RANBP17: variants seen among roughly 807,000 people sequenced by gnomAD.
The protein encoded by RANBP17 is ran-binding protein 17.
RANBP17 carries 158 observed loss-of-function variants against 141.2 expected under a neutral mutation model. That is an observed-to-expected ratio of 1.12 (90% CI 0.98 to 1.28). RANBP17 has a LOEUF of 1.28. RANBP17 is among the 50% of genes most tolerant of loss of function. RANBP17 has a pLI of 0.00. For synonymous variants in RANBP17, 430 were observed against 450.0 expected (o/e 0.96, Z 0.56); for missense variants, 1,438 against 1,290.7 (o/e 1.11, Z -1.75).
chr5:170,890,666 C>T (rs1437471141), intron 3 of RANBP17, among the ~76,000 whole-genome samples: 1 of 152,058 alleles, frequency 6.6e-6, no homozygotes, highest in Non-Finnish European at 1.5e-5. Flanking sequence ...GGAGTTTTTT[C>T]TCTTTTAAAA....
At position 170,978,698 on chromosome 5, in the gene RANBP17, T is replaced by C. The variant is rs1421289901; in HGVS notation, c.1710+10321T>C. The stretch of plus-strand genomic sequence containing the variant: ...ATGGAAGTCAGAATGGTGGTTACCT[T>C]TGGGTAGGGAGAATATTTTGACTGG... On this transcript the variant is annotated intron_variant, in intron 14 of 27. Coordinates refer to ENST00000523189, the MANE Select transcript of RANBP17 (RefSeq NM_022897.5). 3.3e-5 allele frequency among the ~76,000 whole-genome samples: 5 copies of C among 152,250 alleles called. No homozygotes were observed. In the East Asian group the frequency reaches 5.8e-4, roughly 18 times the overall value.
Position 171,265,713 on chromosome 5 carries a change from T to A in RANBP17, c.2809T>A (p.Leu937Ile). 1.2e-6 allele frequency: 2 copies of A among 1,614,064 alleles called. No homozygotes were observed. Among genetic ancestry groups the A allele is most frequent in the Non-Finnish European group, 1.7e-6 (2 of 1,180,006 alleles). ...TVVSSSCCTS[L>I]DYIVTYLFKH... The stretch of plus-strand genomic sequence containing the variant: ...TGTCTCCTCCAGCTGCTGTACCAGT[T>A]TAGACTACATCGTCACCTACCTCTT... The change falls in exon 25 of 28, where the codon TTA becomes ATA. Residue 937 changes from leucine to isoleucine, a missense_variant. Transcript: ENST00000523189.
intron 18 of RANBP17, among the ~76,000 whole-genome samples, chr5:171,185,168 A>G (rs1761148559): frequency 6.6e-6 from 1 of 152,180 alleles, no homozygotes; most frequent in Admixed American, 6.5e-5. Flanking sequence ...CATCTCAAAA[A>G]ACAATAAAAA....
At chr5:170,952,837 A>G (rs1278297236) in intron 12 of RANBP17, among the ~76,000 whole-genome samples, 1 of 152,062 alleles carries the variant, frequency 6.6e-6, no homozygotes, top group Non-Finnish European at 1.5e-5. Context: ...ACCTAGATCA[A>G]TGAATCCAGA....
At chr5:170,869,356 G>A (rs1283894680) in intron 1 of RANBP17, among the ~76,000 whole-genome samples, 3 of 130,468 alleles carry the variant, frequency 2.3e-5, no homozygotes, top group Non-Finnish European at 4.7e-5. Flanking sequence ...TGGGAGTCTC[G>A]CTATGTTTCC....
rs1770188705 is a variant in RANBP17 at position 170,897,022 on chromosome 5, A to G, written c.489+907A>G. On this transcript the variant is annotated intron_variant, in intron 5 of 27. Transcript: ENST00000523189. ...GGCACTAAGGGAGCACGCCGCGGTC[A>G]GCCAGAAAGGAATCTATTATGAGGC... The G allele has an allele frequency of 3.7e-5, 40 of 1,083,278 alleles. 1 individual carries two copies. The South Asian group carries it at 5.0e-4, about 13-fold the overall frequency. The allele number at this position is 1,083,278 out of a possible 1,614,324, so 67.1% of individuals were successfully genotyped here. A position where few individuals can be genotyped will look rare whatever the true frequency, so the allele number is the denominator to read the frequency against.
intron 14 of RANBP17, among the ~76,000 whole-genome samples, chr5:171,034,852 T>C (rs1781769739): frequency 6.6e-6 from 1 of 152,210 alleles, no homozygotes; most frequent in Non-Finnish European, 1.5e-5. Context: ...GGTCTCACTC[T>C]GTTTCCCAGG....
chr5:171,060,626 T>C (rs577523353), intron 14 of RANBP17, among the ~76,000 whole-genome samples: 1 of 151,920 alleles, frequency 6.6e-6, no homozygotes, highest in African/African-American at 2.4e-5. Flanking sequence ...AAAATTCTCT[T>C]TTTTGGTTGT....
At chr5:170,927,653 T>G (rs1057397020) in intron 12 of RANBP17, among the ~76,000 whole-genome samples, 1 of 152,080 alleles carries the variant, frequency 6.6e-6, no homozygotes, top group African/African-American at 2.4e-5. Context: ...GCAAATATCT[T>G]TTTCCTTTTT....
intron 14 of RANBP17, among the ~76,000 whole-genome samples, chr5:171,010,133 C>T (rs537278266): frequency 1.2e-4 from 18 of 152,064 alleles, no homozygotes; most frequent in Admixed American, 4.6e-4. Context: ...CACAACCATG[C>T]GGGACAAGAT....
intron 2 of RANBP17, 62 bp downstream of exon 2, chr5:170,878,305 A>G: frequency 7.3e-7 from 1 of 1,362,316 alleles, no homozygotes; most frequent in Non-Finnish European, 9.9e-7. Context: ...ATTGTTAATG[A>G]ACTCGTGTGT....
intron 12 of RANBP17, among the ~76,000 whole-genome samples, chr5:170,926,165 A>T (rs112632723): frequency 2.4e-4 from 35 of 145,910 alleles, no homozygotes; most frequent in African/African-American, 8.7e-4. Flanking sequence ...TAAATGTTTC[A>T]GGTCTCCATC....
chr5:171,046,430 G>T (rs1782595304), intron 14 of RANBP17, among the ~76,000 whole-genome samples: 1 of 151,846 alleles, frequency 6.6e-6, no homozygotes, highest in African/African-American at 2.4e-5. Flanking sequence ...GGATGGTCTT[G>T]ATGTCTTGAC....
intron 22 of RANBP17, among the ~76,000 whole-genome samples, chr5:171,237,447 T>C (rs1054139581): frequency 6.6e-6 from 1 of 152,198 alleles, no homozygotes; most frequent in African/African-American, 2.4e-5. Context: ...TTCCCCGTTA[T>C]TGCCTTTGGC....
intron 14 of RANBP17, among the ~76,000 whole-genome samples, chr5:170,998,689 C>G (rs1435635206): frequency 6.6e-6 from 1 of 152,060 alleles, no homozygotes; most frequent in Admixed American, 6.6e-5. Context: ...CTTGGATGTT[C>G]ATTCAGATAC....
chr5:170,869,158 T>A (rs1195743938), intron 1 of RANBP17, among the ~76,000 whole-genome samples: 2 of 152,200 alleles, frequency 1.3e-5, no homozygotes, highest in African/African-American at 4.8e-5. Context: ...TTGATTTAAA[T>A]ACTATGTAAA....
chr5:170,959,194 T>G lies in RANBP17; in HGVS notation c.1574+5492T>G, dbSNP rs562563492. On this transcript the variant is annotated intron_variant, in intron 13 of 27. Transcript: ENST00000523189. ...CACCTACCCATCTCCCAGTCATCCC[T>G]CATTATCAAGACTTTAATAACTAGC... Among the ~76,000 whole-genome samples, 7 of 152,336 alleles carry G rather than the reference T, an allele frequency of 4.6e-5. No individual in the cohort carries two copies. The South Asian group carries it at 1.5e-3, about 32-fold the overall frequency.
chr5:171,051,064 C>G (rs975285291), intron 14 of RANBP17, among the ~76,000 whole-genome samples: 1 of 152,068 alleles, frequency 6.6e-6, no homozygotes, highest in South Asian at 2.1e-4. Context: ...TTGTTATTCC[C>G]CTCTATGTTA....
chr5:171,118,603 A>G (rs935411252), intron 14 of RANBP17, among the ~76,000 whole-genome samples: 1 of 151,856 alleles, frequency 6.6e-6, no homozygotes, highest in Non-Finnish European at 1.5e-5. Context: ...CTTGTAGAGG[A>G]TTTTCAACTC....
Sources: gnomAD v4.1 joint callset for allele counts (sites outside exome capture counted in the v4.1 genomes callset) on GRCh38, gnomAD v4.1.1 for gene constraint, MANE v1.5 for transcripts, NCBI Gene and HGNC (gene_info 2026-07-23, HGNC 2026-07-21) for gene names.